The following PTK7 variants were observed in gnomAD, a reference collection of about 807,000 sequenced individuals.
The protein encoded by PTK7 is inactive tyrosine-protein kinase 7.
PTK7 carries 39 observed loss-of-function variants against 116.6 expected under a neutral mutation model. That is an observed-to-expected ratio of 0.33 (90% CI 0.26 to 0.44). The LOEUF is 0.44. Ranked by LOEUF, PTK7 falls within the 20% of genes least tolerant of loss-of-function variation. The probability of loss-of-function intolerance (pLI) is 1.00; values close to 1 mark genes in which losing one functional copy is unlikely to be tolerated. For missense variants in PTK7, 1,169 were observed against 1,425.6 expected, an observed-to-expected ratio of 0.82 and a Z score of 2.90; for synonymous variants, 546 against 563.6, an observed-to-expected ratio of 0.97 and a Z score of 0.44.
chr6:43,130,172 C>G lies in PTK7; in HGVS notation c.471-58C>G, dbSNP rs1554155024. 122 of 1,479,520 alleles carry G rather than the reference C, an allele frequency of 8.2e-5. 1 individual carries two copies. In the South Asian group the frequency reaches 1.4e-3, roughly 17 times the overall value. 91.6% of individuals were successfully genotyped at this position (1,479,520 alleles called of 1,614,324 possible). ...AGCCCTGACCCTCTGATACTGTATCCTCTCCACTGGCCACTGAGTACCCCT... is the reference window on the plus strand; with the variant it reads ...AGCCCTGACCCTCTGATACTGTATCGTCTCCACTGGCCACTGAGTACCCCT... On this transcript the variant is annotated intron_variant, in intron 3 of 19. Transcript: ENST00000230419.
At position 43,141,733 on chromosome 6, in the gene PTK7, C is replaced by T. The variant is rs776246516; in HGVS notation, c.1684C>T (p.Arg562Ter). The T allele has an allele frequency of 3.1e-6, 5 of 1,613,964 alleles. No individual in the cohort carries two copies. Among genetic ancestry groups the T allele is most frequent in the East Asian group, 2.2e-5 (1 of 44,880 alleles). The change falls in exon 11 of 20, where the codon CGA becomes TGA. Residue 562 changes from arginine to a stop codon, truncating the protein, a stop_gained. Coordinates refer to ENST00000230419, the MANE Select transcript of PTK7 (RefSeq NM_002821.5). LOFTEE classifies it high-confidence loss of function. The surrounding 1 kb of genome is among the most constrained non-coding windows in gnomAD (Gnocchi z 4.9). ...AGTLHFARVTRDDAGNYTCIA... is the reference protein window; with the variant it reads ...AGTLHFARVT ...GACCCTGCATTTTGCCCGGGTGACTCGAGATGACGCTGGCAACTACACTTG... is the reference window on the plus strand; with the variant it reads ...GACCCTGCATTTTGCCCGGGTGACTTGAGATGACGCTGGCAACTACACTTG...
In PTK7 at chr6:43,129,211, A is replaced by G; in HGVS notation, c.314A>G (p.Asp105Gly). The G allele has an allele frequency of 1.9e-6, 3 of 1,614,100 alleles. No individual in the cohort carries two copies. The highest frequency in any genetic ancestry group is 1.7e-6 in the Non-Finnish European group (2 of 1,180,026). ...DSGTFQCVAR[D>G]DVTGEEARSA... ...GGCACCTTCCAGTGTGTGGCTCGGG[A>G]TGATGTCACTGGAGAAGAAGCCCGC... is the stretch of plus-strand genomic sequence containing the variant. Residue 105 changes from aspartate to glycine, a missense_variant, in exon 2 of 20, where the codon GAT becomes GGT. Coordinates refer to ENST00000230419, the MANE Select transcript of PTK7 (RefSeq NM_002821.5). The surrounding 1 kb of genome is among the most constrained non-coding windows in gnomAD (Gnocchi z 4.5).
intron 7 of PTK7, 174 bp downstream of exon 7, chr6:43,132,861 G>A: frequency 1.2e-6 from 1 of 851,296 alleles, no homozygotes; most frequent in Non-Finnish European, 1.9e-6. Context: ...CCAGGCACAG[G>A]GGTTAGGGTG....
chr6:43,121,425 G>A (rs1453443408), intron 1 of PTK7, among the ~76,000 whole-genome samples: 2 of 152,210 alleles, frequency 1.3e-5, no homozygotes, highest in Non-Finnish European at 2.9e-5. Context: ...TAAGTCCCAG[G>A]ATAGGAAAAC....
chr6:43,115,159 G>A (rs1030548910), intron 1 of PTK7, among the ~76,000 whole-genome samples: 4 of 150,478 alleles, frequency 2.7e-5, no homozygotes, highest in African/African-American at 7.3e-5. Context: ...TACTTATTTT[G>A]CTATCTTTAG....
chr6:43,159,417 A>C (rs1011622717), intron 18 of PTK7, among the ~76,000 whole-genome samples: 1 of 152,018 alleles, frequency 6.6e-6, no homozygotes, highest in Non-Finnish European at 1.5e-5. Context: ...GGTCACCCCC[A>C]TTTGTCTGAC....
intron 1 of PTK7, among the ~76,000 whole-genome samples, chr6:43,126,115 C>G (rs967973049): frequency 1.3e-5 from 2 of 151,992 alleles, no homozygotes; most frequent in Non-Finnish European, 2.9e-5. Flanking sequence ...AGGTCAGGAG[C>G]TCGAGACTAG....
At chr6:43,092,531 A>G (rs1002831039) in intron 1 of PTK7, among the ~76,000 whole-genome samples, 4 of 152,050 alleles carry the variant, frequency 2.6e-5, no homozygotes, top group African/African-American at 9.7e-5. Context: ...GGTTGTTACT[A>G]CCTGAGGTTT....
At chr6:43,092,908 A>G (rs1047918695) in intron 1 of PTK7, among the ~76,000 whole-genome samples, 8 of 152,192 alleles carry the variant, frequency 5.3e-5, no homozygotes, top group Admixed American at 1.3e-4. Flanking sequence ...TTATAACTGT[A>G]ATTTACAGGC....
At chr6:43,157,371 T>TATATATATATAAA (rs1561990682) in intron 17 of PTK7, among the ~76,000 whole-genome samples, 6 of 85,748 alleles carry the variant, frequency 7.0e-5, no homozygotes, top group African/African-American at 2.7e-4. Flanking sequence ...TATATTTTTT[T>TATATATATATAAA]TTTTCTTTTT....
intron 19 of PTK7, 21 bp downstream of exon 19, chr6:43,159,987 GGGATGATTCC>G (rs1554162911): frequency 6.2e-7 from 1 of 1,606,340 alleles, no homozygotes; most frequent in Non-Finnish European, 8.5e-7. Context: ...TTGCTGCTAG[GGGATGATTCC>G]AGATGGGCCC....
At chr6:43,159,375 C>G (rs553887333) in intron 18 of PTK7, among the ~76,000 whole-genome samples, 2 of 152,124 alleles carry the variant, frequency 1.3e-5, no homozygotes, top group Non-Finnish European at 2.9e-5. Context: ...GCAGCGCTGC[C>G]GGGAACATCA....
At chr6:43,160,697 C>G in intron 19 of PTK7, 24 bp from the exon 20 acceptor site, 1 of 1,612,806 alleles carries the variant, frequency 6.2e-7, no homozygotes. Context: ...TTGGCCAACA[C>G]TGCACCTGCT....
rs377301069 is a variant in PTK7 at position 43,124,911 on chromosome 6, G to A, written c.80-4066G>A. Among the ~76,000 whole-genome samples, 42 of 152,260 alleles carry A rather than the reference G, an allele frequency of 2.8e-4. No individual in the cohort carries two copies. The East Asian group carries it at 5.2e-3, about 19-fold the overall frequency. Reference sequence around the variant, plus strand: ...ACATCTGCTGGGCGGGGTGGCTCACGCCTGTAATCCCAGCACTTTGGGAGG... The same window carrying A: ...ACATCTGCTGGGCGGGGTGGCTCACACCTGTAATCCCAGCACTTTGGGAGG... On this transcript the variant is annotated intron_variant, in intron 1 of 19. Coordinates refer to ENST00000230419, the MANE Select transcript of PTK7 (RefSeq NM_002821.5).
intron 1 of PTK7, among the ~76,000 whole-genome samples, chr6:43,118,637 CTCTCTCTCTCTCTCTCTCTCTCTATA>C (rs1209738436): frequency 1.3e-5 from 1 of 79,208 alleles, no homozygotes; most frequent in Non-Finnish European, 2.3e-5. Flanking sequence ...CTCTCTCTCT[CTCTCTCTCTCTCTCTCTCTCTCTATA>C]TATATATATA....
chr6:43,109,997 CTT>C (rs35351540), intron 1 of PTK7, among the ~76,000 whole-genome samples: 15 of 109,586 alleles, frequency 1.4e-4, no homozygotes, highest in Non-Finnish European at 1.8e-4. Flanking sequence ...CATGCCCGGC[CTT>C]TTTTTTTTTT....
chr6:43,100,233 A>T (rs545608968), intron 1 of PTK7, among the ~76,000 whole-genome samples: 1 of 152,064 alleles, frequency 6.6e-6, no homozygotes. Flanking sequence ...AATATGAAAA[A>T]TTAGCTGGGC....
chr6:43,152,401 A>AGG, intron 17 of PTK7, among the ~76,000 whole-genome samples: 1 of 152,184 alleles, frequency 6.6e-6, no homozygotes, highest in Non-Finnish European at 1.5e-5. Context: ...GTGGTGGCGC[A>AGG]TGCCTGTAGT....
chr6:43,145,389 G>T lies in PTK7; in HGVS notation c.2597G>T (p.Arg866Leu). ...GTGGTGCGGCTCCTGGGGCTGTGCC[G>T]GGAGGCTGAGCCCCACTACATGGTG... ...ANVVRLLGLCREAEPHYMVLE... is the reference protein window; with the variant it reads ...ANVVRLLGLCLEAEPHYMVLE... The change falls in exon 16 of 20, where the codon CGG becomes CTG. Residue 866 changes from arginine (R) to leucine (L), a missense_variant. Physicochemically the swap from Arg to Leu is moderately radical, Grantham distance 102. This residue lies in a region of PTK7 where 678 missense variants were observed against 853.8 expected (regional missense o/e 0.79). Transcript: ENST00000230419. This position sits in a 1 kb window ranked among gnomAD's most constrained non-coding sequence, Gnocchi z 4.8. 1.9e-6 allele frequency: 3 copies of T among 1,610,070 alleles called. No homozygotes were observed. The East Asian group carries it at 6.7e-5, about 36-fold the overall frequency.
Sources: gnomAD v4.1 joint callset for allele counts (sites outside exome capture counted in the v4.1 genomes callset) on GRCh38, gnomAD v4.1.1 for gene constraint, gnomAD v4.1.1 regional missense constraint, Gnocchi (gnomAD v3.1) non-coding constraint, MANE v1.5 for transcripts, NCBI Gene and HGNC (gene_info 2026-07-23, HGNC 2026-07-21) for gene names.